GLI4: variants seen among roughly 807,000 people sequenced by gnomAD.
GLI4 encodes the protein zinc finger protein GLI4.
Under a neutral mutation model 30.9 loss-of-function variants are expected in GLI4, and 34 were observed. The observed-to-expected ratio is 1.10, with a 90% CI of 0.84 to 1.47. The LOEUF is 1.47. Among genes scored for constraint, GLI4 ranks in the 40% most tolerant of loss-of-function variants. GLI4 has a pLI of 0.00. For missense variants in GLI4, 696 were observed against 538.9 expected (o/e 1.29, Z -2.89); for synonymous variants, 277 against 236.7 (o/e 1.17, Z -1.56).
chr8:143,274,605 C>G lies in GLI4; in HGVS notation c.125-99C>G, dbSNP rs1387021110. 10 of 1,240,410 alleles carry G rather than the reference C, an allele frequency of 8.1e-6. No individual in the cohort carries two copies. In the African/African-American group the frequency reaches 1.4e-4, roughly 17 times the overall value. The allele number at this position is 1,240,410 out of a possible 1,614,324, so 76.8% of individuals were successfully genotyped here. On this transcript the variant is annotated intron_variant, in intron 2 of 3. Coordinates refer to ENST00000340042, the MANE Select transcript of GLI4 (RefSeq NM_138465.4). ...GGGATTGGGAGGGCCAGGAGGTGTC[C>G]TGTGTCAGGGCCACAGCCCGGGAGC...
Position 143,276,650 on chromosome 8 carries a change from C to T in GLI4, c.977C>T (p.Ser326Phe), listed in dbSNP as rs200499147. The T allele has an allele frequency of 1.1e-5, 18 of 1,611,296 alleles. No individual in the cohort carries two copies. The Middle Eastern group carries it at 6.6e-4, about 59-fold the overall frequency. The change falls in exon 4 of 4, where the codon TCC becomes TTC. Residue 326 changes from serine to phenylalanine, a missense_variant. Ser to Phe is a radical substitution (Grantham distance 155). Coordinates refer to ENST00000340042, the MANE Select transcript of GLI4 (RefSeq NM_138465.4). ...IHTGEKPYEC[S>F]DCGKAFRGRS... The stretch of plus-strand genomic sequence containing the variant: ...ACTGGCGAGAAGCCCTACGAGTGCT[C>T]CGACTGCGGCAAAGCCTTCCGCGGC...
intron 2 of GLI4, among the ~76,000 whole-genome samples, chr8:143,269,760 C>G (rs1039449318): frequency 6.6e-6 from 1 of 152,246 alleles, no homozygotes; most frequent in African/African-American, 2.4e-5. Flanking sequence ...CTAGGGACAG[C>G]TCCCCGCATT....
At chr8:143,275,147 C>T (rs1815356143) in intron 3 of GLI4, 1 of 1,535,778 alleles carries the variant, frequency 6.5e-7, no homozygotes, top group Non-Finnish European at 8.7e-7. Flanking sequence ...ACTGTCCCCC[C>T]AGATCCACGA....
chr8:143,268,162 T>C (rs1298439306), intron 1 of GLI4: 2 of 838,950 alleles, frequency 2.4e-6, no homozygotes, highest in Non-Finnish European at 2.9e-6. Flanking sequence ...AGTGGCCACC[T>C]ACCTGGTGAC....
intron 2 of GLI4, among the ~76,000 whole-genome samples, chr8:143,272,814 C>T (rs1263531433): frequency 1.3e-5 from 2 of 152,190 alleles, no homozygotes; most frequent in African/African-American, 4.8e-5. Flanking sequence ...CTAGGAAGTG[C>T]TTTGCTGCCT....
intron 2 of GLI4, among the ~76,000 whole-genome samples, chr8:143,270,661 A>G (rs1213035872): frequency 6.6e-6 from 1 of 152,108 alleles, no homozygotes; most frequent in Non-Finnish European, 1.5e-5. Flanking sequence ...TTGCCCTCTC[A>G]TGTCATCTGT....
chr8:143,275,977 A>T lies in GLI4; in HGVS notation c.304A>T (p.Ser102Cys). The T allele has an allele frequency of 7.4e-7, 1 of 1,358,338 alleles. No homozygotes were observed. The highest frequency in any genetic ancestry group is 1.8e-5 in the South Asian group (1 of 56,628). 84.1% of individuals were successfully genotyped at this position (1,358,338 alleles called of 1,614,324 possible). ...PDEGAGGALR[S>C]LLRSLPRRAR... is the part of the protein sequence containing the mutation. ...CGAGGGGGCGGGCGGGGCGCTGCGC[A>T]GCCTCCTGAGGAGCCTTCCCCGCAG... The change falls in exon 4 of 4, where the codon AGC becomes TGC. Residue 102 changes from serine to cysteine, a missense_variant. Coordinates refer to ENST00000340042, the MANE Select transcript of GLI4 (RefSeq NM_138465.4).
Position 143,276,477 on chromosome 8 carries a change from G to T in GLI4, c.804G>T (p.Lys268Asn). The T allele has an allele frequency of 6.2e-7, 1 of 1,613,030 alleles. No individual in the cohort carries two copies. Among genetic ancestry groups the T allele is most frequent in the Non-Finnish European group, 8.5e-7 (1 of 1,179,822 alleles). The change falls in exon 4 of 4, where the codon AAG (lysine) becomes AAT (asparagine). Residue 268 changes from lysine to asparagine, a missense_variant. Lys to Asn is a moderately conservative substitution (Grantham distance 94). Transcript: ENST00000340042. Reference protein sequence around the residue: ...LRIHNGEKPYKCGECGQAFSQ... With the variant: ...LRIHNGEKPYNCGECGQAFSQ... ...TCCACAACGGCGAGAAGCCCTACAA[G>T]TGCGGCGAGTGCGGCCAGGCCTTCA... is the stretch of plus-strand genomic sequence containing the variant.
intron 3 of GLI4, chr8:143,275,101 A>C (rs1586729421): frequency 6.5e-7 from 1 of 1,534,668 alleles, no homozygotes; most frequent in Non-Finnish European, 8.7e-7. Context: ...CCTCCCCTCC[A>C]CCTGCCTTGG....
chr8:143,275,273 T>G, intron 3 of GLI4: 1 of 1,503,580 alleles, frequency 6.7e-7, no homozygotes. Context: ...GGGTTCCCTC[T>G]GGGCGATGTT....
chr8:143,276,728 C>T lies in GLI4; in HGVS notation c.1055C>T (p.Ala352Val). The T allele has an allele frequency of 6.2e-7, 1 of 1,609,342 alleles. No homozygotes were observed. The highest frequency in any genetic ancestry group is 8.5e-7 in the Non-Finnish European group (1 of 1,178,276). Reference protein sequence around the residue: ...LRTHTGEKPFACGACGKAFGQ... With the variant: ...LRTHTGEKPFVCGACGKAFGQ... ...ACCCACACGGGCGAGAAGCCCTTCG[C>T]GTGTGGCGCCTGCGGCAAGGCCTTC... The change falls in exon 4 of 4, where the codon GCG becomes GTG. Residue 352 changes from alanine to valine, a missense_variant. By Grantham distance (64) the Ala-to-Val change is moderately conservative. Transcript: ENST00000340042.
Position 143,267,474 on chromosome 8 carries a change from C to G in GLI4, c.-48C>G, listed in dbSNP as rs1186941928. 2.0e-6 allele frequency: 2 copies of G among 985,870 alleles called. No individual in the cohort carries two copies. Among genetic ancestry groups the G allele is most frequent in the Non-Finnish European group, 2.4e-6 (2 of 830,316 alleles). The allele number at this position is 985,870 out of a possible 1,614,324, so 61.1% of individuals were successfully genotyped here. Reference sequence around the variant, plus strand: ...CCGTCCGGCGCGCGGCGTCCTCCTCCCGCTCGGAAGGTGAGTGGGCGCGGG... The same window carrying G: ...CCGTCCGGCGCGCGGCGTCCTCCTCGCGCTCGGAAGGTGAGTGGGCGCGGG... On this transcript the variant is annotated 5_prime_UTR_variant, in exon 1 of 4. Coordinates refer to ENST00000340042, the MANE Select transcript of GLI4 (RefSeq NM_138465.4).
intron 1 of GLI4, chr8:143,268,071 G>A: frequency 1.0e-6 from 1 of 985,406 alleles, no homozygotes; most frequent in Non-Finnish European, 1.2e-6. Flanking sequence ...CGGGGTGATC[G>A]AGCAGGCCCT....
At chr8:143,270,097 TC>T (rs1160566324) in intron 2 of GLI4, among the ~76,000 whole-genome samples, 4 of 152,228 alleles carry the variant, frequency 2.6e-5, no homozygotes, top group Admixed American at 2.0e-4. Flanking sequence ...TGCTGGGTGT[TC>T]CACAGGAGGC....
intron 3 of GLI4, chr8:143,275,432 G>GGGCGGC: frequency 7.3e-7 from 1 of 1,371,696 alleles, no homozygotes; most frequent in Middle Eastern, 2.5e-4. Flanking sequence ...CATGGGAGCT[G>GGGCGGC]GGCGGCAGCA....
chr8:143,267,795 C>T, intron 1 of GLI4: 5 of 985,382 alleles, frequency 5.1e-6, no homozygotes, highest in Non-Finnish European at 6.0e-6. Flanking sequence ...AAACTGAGGC[C>T]CGGAGGTCCC....
At chr8:143,268,838 T>TTGCTGCTGCTGCTGCTGCTGCTGCTGC (rs201537418) in intron 1 of GLI4, among the ~76,000 whole-genome samples, 33 of 148,124 alleles carry the variant, frequency 2.2e-4, no homozygotes, top group African/African-American at 6.5e-4. Context: ...CGTTACTCCT[T>TTGCTGCTGCTGCTGCTGCTGCTGCTGC]TGCTGCTGCT....
intron 2 of GLI4, among the ~76,000 whole-genome samples, chr8:143,271,760 G>T (rs1178567129): frequency 6.6e-6 from 1 of 152,148 alleles, no homozygotes; most frequent in Non-Finnish European, 1.5e-5. Flanking sequence ...AGTGGGGAGG[G>T]TCGTGAGGGG....
intron 2 of GLI4, among the ~76,000 whole-genome samples, chr8:143,272,875 C>T (rs895052317): frequency 1.3e-5 from 2 of 152,134 alleles, no homozygotes; most frequent in Non-Finnish European, 2.9e-5. Flanking sequence ...CGGCTTGTTC[C>T]GCAGCAGGGT....
Sources: gnomAD v4.1 joint callset for allele counts (sites outside exome capture counted in the v4.1 genomes callset) on GRCh38, gnomAD v4.1.1 for gene constraint, MANE v1.5 for transcripts, NCBI Gene and HGNC (gene_info 2026-07-23, HGNC 2026-07-21) for gene names.